Variants in NECTIN4 observed in about 807,000 individuals in gnomAD.
NECTIN4 encodes nectin cell adhesion molecule 4.
Under a neutral mutation model 51.7 loss-of-function variants are expected in NECTIN4, and 19 were observed. That is an observed-to-expected ratio of 0.37 (90% CI 0.26 to 0.54). The LOEUF (loss-of-function observed/expected upper bound fraction) is 0.54. Among genes scored for constraint, NECTIN4 ranks in the 20% least tolerant of loss-of-function variants. The pLI is 0.86. For synonymous variants in NECTIN4, 283 were observed against 286.9 expected (o/e 0.99, Z 0.14); for missense variants, 619 against 662.4 (o/e 0.93, Z 0.72).
At chr1:161,078,672 A>C (rs1047542727) in intron 2 of NECTIN4, among the ~76,000 whole-genome samples, 1 of 152,242 alleles carries the variant, frequency 6.6e-6, no homozygotes, top group East Asian at 1.9e-4. Context: ...CTTGACCGTA[A>C]GTCCAGAGTT....
chr1:161,088,812 T>C (rs1056814813), intron 1 of NECTIN4, among the ~76,000 whole-genome samples: 1 of 152,250 alleles, frequency 6.6e-6, no homozygotes, highest in East Asian at 1.9e-4. Context: ...CAGCCCCAGT[T>C]CCAGGCAGCC....
Position 161,073,762 on chromosome 1 carries a change from G to T in NECTIN4, c.1191C>A (p.Ser397=), listed in dbSNP as rs1447850695. ...TGTGATGGGAATGCAGCCTCCGGAT[G>T]GAGTTCTCCCTGGTCAGGGTCAGCT... ...EEELTLTREN[S]IRRLHSHHTD... The change falls in exon 7 of 9, where the codon TCC becomes TCA. Residue 397 remains serine, a synonymous_variant. Coordinates refer to ENST00000368012, the MANE Select transcript of NECTIN4 (RefSeq NM_030916.3). 1 of 1,614,206 alleles carries T rather than the reference G, an allele frequency of 6.2e-7. No homozygotes were observed. Among genetic ancestry groups the T allele is most frequent in the East Asian group, 2.2e-5 (1 of 44,890 alleles).
At chr1:161,083,363 A>G (rs1557950100) in intron 1 of NECTIN4, among the ~76,000 whole-genome samples, 1 of 152,200 alleles carries the variant, frequency 6.6e-6, no homozygotes, top group African/African-American at 2.4e-5. Flanking sequence ...CCAGGTTTCC[A>G]GGCCAGGGCA....
chr1:161,085,550 G>T lies in NECTIN4; in HGVS notation c.79+3668C>A, dbSNP rs547364698. Among the ~76,000 whole-genome samples, 36 of 152,232 alleles carry T rather than the reference G, an allele frequency of 2.4e-4. 1 individual carries two copies. In the South Asian group the frequency reaches 6.6e-3, roughly 28 times the overall value. On this transcript the variant is annotated intron_variant, in intron 1 of 8. Transcript: ENST00000368012. ...AGGACACACCAGATTTAGAGGGAAG[G>T]GGGTGGGGGTGGCCAGAAAACTATG...
chr1:161,088,158 C>T (rs1317308912), intron 1 of NECTIN4, among the ~76,000 whole-genome samples: 2 of 152,162 alleles, frequency 1.3e-5, no homozygotes, highest in Non-Finnish European at 2.9e-5. Context: ...CACCAATCCA[C>T]ACATCTAGGC....
chr1:161,088,211 G>A (rs1654034945), intron 1 of NECTIN4, among the ~76,000 whole-genome samples: 1 of 152,108 alleles, frequency 6.6e-6, no homozygotes, highest in Non-Finnish European at 1.5e-5. Context: ...TGGAGGTAGG[G>A]GAATCACTGC....
intron 3 of NECTIN4, among the ~76,000 whole-genome samples, chr1:161,077,040 T>C (rs1395519344): frequency 6.6e-6 from 1 of 152,232 alleles, no homozygotes; most frequent in African/African-American, 2.4e-5. Context: ...CCTCTAAAGT[T>C]GGTATGAGTT....
chr1:161,074,133 T>G (rs1394490704), intron 6 of NECTIN4, 84 bp downstream of exon 6: 9 of 1,554,588 alleles, frequency 5.8e-6, no homozygotes, highest in Non-Finnish European at 8.0e-6. Flanking sequence ...GCCTACCCAG[T>G]CTCCTCGGTC....
Position 161,074,602 on chromosome 1 carries a change from A to G in NECTIN4, c.1000+9T>C. On this transcript the variant is annotated intron_variant, in intron 5 of 8. Coordinates refer to ENST00000368012, the MANE Select transcript of NECTIN4 (RefSeq NM_030916.3). ...GGTCCTTACCAAGGACTTCTGCTCC[A>G]GTGCTTACCAAGAACATCCACAGTG... 1.9e-6 allele frequency: 3 copies of G among 1,614,252 alleles called. No individual in the cohort carries two copies. The highest frequency in any genetic ancestry group is 1.6e-4 in the Middle Eastern group (1 of 6,062).
intron 6 of NECTIN4, 67 bp downstream of exon 6, chr1:161,074,150 C>T: frequency 1.9e-6 from 3 of 1,599,878 alleles, no homozygotes; most frequent in Non-Finnish European, 1.7e-6. Flanking sequence ...GGTCCTGGCC[C>T]ACCTCCTGCT....
At chr1:161,088,193 G>A (rs1445076457) in intron 1 of NECTIN4, among the ~76,000 whole-genome samples, 1 of 152,126 alleles carries the variant, frequency 6.6e-6, no homozygotes, top group African/African-American at 2.4e-5. Context: ...CAAAGCTTTG[G>A]CTGGAGATGG....
At position 161,089,483 on chromosome 1, in the gene NECTIN4, T is replaced by C. The variant is rs922028168; in HGVS notation, c.-187A>G. On this transcript the variant is annotated 5_prime_UTR_variant, in exon 1 of 9. Transcript: ENST00000368012. The surrounding 1 kb of genome is among the most constrained non-coding windows in gnomAD (Gnocchi z 4.1). ...CCCGTTCTACACACCCAGCCGTAGC[T>C]ACCCCCAAGAAGCCGTGATCGGGAG... 4 of 626,952 alleles carry C rather than the reference T, an allele frequency of 6.4e-6. No individual in the cohort carries two copies. The Admixed American group carries it at 9.6e-5, about 15-fold the overall frequency. 38.8% of individuals were successfully genotyped at this position (626,952 alleles called of 1,614,324 possible). A position where few individuals can be genotyped will look rare whatever the true frequency, so the allele number is the denominator to read the frequency against.
intron 2 of NECTIN4, among the ~76,000 whole-genome samples, chr1:161,079,153 C>A (rs1653553334): frequency 6.6e-6 from 1 of 152,154 alleles, no homozygotes; most frequent in African/African-American, 2.4e-5. Flanking sequence ...GTAAAAAATA[C>A]CATGGAGCAC....
chr1:161,086,428 T>C (rs563818196), intron 1 of NECTIN4, among the ~76,000 whole-genome samples: 2 of 151,716 alleles, frequency 1.3e-5, no homozygotes, highest in Admixed American at 1.3e-4. Context: ...TAAACAGGAG[T>C]AGAAAAGTAA....
At chr1:161,087,983 C>T (rs1474281021) in intron 1 of NECTIN4, among the ~76,000 whole-genome samples, 1 of 152,072 alleles carries the variant, frequency 6.6e-6, no homozygotes, top group Non-Finnish European at 1.5e-5. Context: ...CTAGGCTCCA[C>T]CTTTTTGGCC....
chr1:161,074,790 C>A, intron 4 of NECTIN4, 31 bp from the exon 5 acceptor site: 1 of 1,607,472 alleles, frequency 6.2e-7, no homozygotes, highest in African/African-American at 1.3e-5. Context: ...AGGGTGCCAG[C>A]CGGGAAGGGC....
At chr1:161,075,727 G>A (rs190863726) in intron 4 of NECTIN4, among the ~76,000 whole-genome samples, 1 of 150,976 alleles carries the variant, frequency 6.6e-6, no homozygotes, top group Non-Finnish European at 1.5e-5. Context: ...AGCCAAGATC[G>A]CACCACTGCA....
In NECTIN4 at chr1:161,072,743, T is replaced by C; in HGVS notation, c.1451A>G (p.His484Arg). The C allele has an allele frequency of 6.2e-7, 1 of 1,614,160 alleles. No homozygotes were observed. The highest frequency in any genetic ancestry group is 1.1e-5 in the South Asian group (1 of 91,086). ...QDEGIKQAMNHFVQENGTLRA... is the reference protein window; with the variant it reads ...QDEGIKQAMNRFVQENGTLRA... ...TAGGGTCCCATTCTCCTGAACAAAA[T>C]GGTTCATGGCCTGTTTGATGCCTTC... The change falls in exon 9 of 9, where the codon CAT (histidine) becomes CGT (arginine). Residue 484 changes from histidine (H) to arginine (R), a missense_variant. His to Arg is a conservative substitution (Grantham distance 29). Coordinates refer to ENST00000368012, the MANE Select transcript of NECTIN4 (RefSeq NM_030916.3).
chr1:161,079,484 C>G, intron 2 of NECTIN4, 106 bp downstream of exon 2: 1 of 1,467,930 alleles, frequency 6.8e-7, no homozygotes, highest in South Asian at 1.2e-5. Flanking sequence ...CATGACCCCA[C>G]TTTTTATTCC....
Sources: allele counts gnomAD v4.1 joint callset (sites outside exome capture counted in the v4.1 genomes callset), GRCh38; gene constraint gnomAD v4.1.1; non-coding constraint Gnocchi (gnomAD v3.1); transcripts MANE v1.5; gene names NCBI Gene and HGNC (gene_info 2026-07-23, HGNC 2026-07-21).